The following ZHX3 variants were observed in gnomAD, a reference collection of about 807,000 sequenced individuals.
The protein encoded by ZHX3 is zinc fingers and homeoboxes protein 3.
ZHX3 carries 20 observed loss-of-function variants against 64.5 expected under a neutral mutation model. That is an observed-to-expected ratio of 0.31 (90% CI 0.22 to 0.45). The LOEUF is 0.45. ZHX3 is among the 20% of genes least tolerant of loss of function. The pLI, the probability that ZHX3 is intolerant of heterozygous loss-of-function variation, is 1.00. For missense variants in ZHX3, 1,041 were observed against 1,195.8 expected (o/e 0.87, Z 1.91); for synonymous variants, 423 against 461.6 (o/e 0.92, Z 1.07).
chr20:41,287,776 T>G (rs148693778), intron 1 of ZHX3, among the ~76,000 whole-genome samples: 38 of 152,326 alleles, frequency 2.5e-4, no homozygotes, highest in African/African-American at 7.7e-4. Context: ...TGCAATCTCA[T>G]GAGAGACTGT....
chr20:41,193,459 T>C (rs976954004), intron 3 of ZHX3, among the ~76,000 whole-genome samples: 1 of 152,186 alleles, frequency 6.6e-6, no homozygotes. Flanking sequence ...AGATTGTTCA[T>C]TGCAAGTGTA....
intron 2 of ZHX3, among the ~76,000 whole-genome samples, chr20:41,264,628 A>G (rs2042745699): frequency 6.6e-6 from 1 of 152,050 alleles, no homozygotes; most frequent in East Asian, 1.9e-4. Flanking sequence ...GTCTCCAGGA[A>G]CAAATGATTC....
rs2038316391 is a variant in ZHX3, at chr20:41,202,515, G to A, written c.2402C>T (p.Thr801Met). ...NQDYDSIMAQTGLPRPEVVRW... is the reference protein window; with the variant it reads ...NQDYDSIMAQMGLPRPEVVRW... ...CACCACCTCTGGCCGTGGCAGACCC[G>A]TCTGGGCCATGATGGAGTCATAGTC... The change falls in exon 3 of 4, where the codon ACG becomes ATG. Residue 801 changes from threonine to methionine, a missense_variant. Thr to Met is a moderately conservative substitution (Grantham distance 81, BLOSUM62 -1). Transcript: ENST00000683867. This position sits in a 1 kb window ranked among gnomAD's most constrained non-coding sequence, Gnocchi z 7.0. The A allele has an allele frequency of 4.3e-6, 7 of 1,614,022 alleles. No homozygotes were observed. Among genetic ancestry groups the A allele is most frequent in the Non-Finnish European group, 5.1e-6 (6 of 1,180,044 alleles).
chr20:41,271,136 T>C (rs1320975063), intron 1 of ZHX3, among the ~76,000 whole-genome samples: 1 of 152,208 alleles, frequency 6.6e-6, no homozygotes. Flanking sequence ...TTCTCCTGCC[T>C]CAGCCTCCTG....
At chr20:41,304,932 A>G (rs2044930616) in intron 1 of ZHX3, among the ~76,000 whole-genome samples, 1 of 152,288 alleles carries the variant, frequency 6.6e-6, no homozygotes, top group Non-Finnish European at 1.5e-5. Context: ...TTGACCAAGG[A>G]CTATGTTACA....
chr20:41,217,570 C>T lies in ZHX3; in HGVS notation c.-150-12504G>A, dbSNP rs564111531. 4.6e-5 allele frequency among the ~76,000 whole-genome samples: 7 copies of T among 152,308 alleles called. No individual in the cohort carries two copies. In the East Asian group the frequency reaches 1.3e-3, roughly 29 times the overall value. On this transcript the variant is annotated intron_variant, in intron 2 of 3. Coordinates refer to ENST00000683867, the MANE Select transcript of ZHX3 (RefSeq NM_001384317.1). The stretch of plus-strand genomic sequence containing the variant: ...TGGAAACAAAAATCAGATGCAGCCA[C>T]CCACCCTACTGCTGCCCAAGCCAAT...
intron 2 of ZHX3, among the ~76,000 whole-genome samples, chr20:41,205,746 T>C (rs796639392): frequency 6.6e-5 from 10 of 152,316 alleles, no homozygotes; most frequent in African/African-American, 2.4e-4. Context: ...GGTCAGGGAA[T>C]CCACAGAACC....
Position 41,273,312 on chromosome 20 carries a change from C to T in ZHX3, c.-244-4229G>A, listed in dbSNP as rs532472596. Reference sequence around the variant, plus strand: ...TTTGCAGATATCTCCTCCCATTCTGCAGGTTGCCTTTCCACTTACTTGATA... The same window carrying T: ...TTTGCAGATATCTCCTCCCATTCTGTAGGTTGCCTTTCCACTTACTTGATA... On this transcript the variant is annotated intron_variant, in intron 1 of 3. Transcript: ENST00000683867. Among the ~76,000 whole-genome samples, 6 of 152,212 alleles carry T rather than the reference C, an allele frequency of 3.9e-5. No individual in the cohort carries two copies. The East Asian group carries it at 1.2e-3, about 29-fold the overall frequency.
chr20:41,276,635 G>A (rs955789554), intron 1 of ZHX3, among the ~76,000 whole-genome samples: 4 of 152,148 alleles, frequency 2.6e-5, no homozygotes, highest in African/African-American at 4.8e-5. Context: ...CTCTTGAGGC[G>A]TCCGCCTGGG....
chr20:41,304,207 G>C (rs747391008), intron 1 of ZHX3, among the ~76,000 whole-genome samples: 1 of 152,006 alleles, frequency 6.6e-6, no homozygotes, highest in Non-Finnish European at 1.5e-5. Context: ...ATTTCCTGGG[G>C]TTCCATCTTT....
At chr20:41,267,123 A>C (rs971953370) in intron 2 of ZHX3, among the ~76,000 whole-genome samples, 4 of 152,184 alleles carry the variant, frequency 2.6e-5, no homozygotes, top group African/African-American at 9.7e-5. Flanking sequence ...CTGGGATTAC[A>C]GGCGTGAGCC....
chr20:41,280,195 A>G (rs1447775576), intron 1 of ZHX3, among the ~76,000 whole-genome samples: 1 of 152,202 alleles, frequency 6.6e-6, no homozygotes, highest in African/African-American at 2.4e-5. Context: ...CTGGAAGAAT[A>G]ATTCCCACTT....
intron 1 of ZHX3, among the ~76,000 whole-genome samples, chr20:41,282,890 C>T (rs529982409): frequency 2.0e-5 from 3 of 152,242 alleles, no homozygotes; most frequent in Admixed American, 6.5e-5. Flanking sequence ...AAGGCTTTCA[C>T]AACTCTTTAT....
chr20:41,256,236 C>T (rs2042245481), intron 2 of ZHX3, among the ~76,000 whole-genome samples: 1 of 152,052 alleles, frequency 6.6e-6, no homozygotes, highest in Non-Finnish European at 1.5e-5. Flanking sequence ...TCTGTGAGCT[C>T]CATGAGGACA....
chr20:41,304,606 T>C (rs1423071716), intron 1 of ZHX3, among the ~76,000 whole-genome samples: 3 of 152,222 alleles, frequency 2.0e-5, no homozygotes, highest in African/African-American at 7.2e-5. Flanking sequence ...TCTGTATGAA[T>C]ACACAGTCAT....
At chr20:41,312,004 G>A (rs2045151291) in intron 1 of ZHX3, among the ~76,000 whole-genome samples, 2 of 152,180 alleles carry the variant, frequency 1.3e-5, no homozygotes, top group South Asian at 2.1e-4. Flanking sequence ...TCTATTGGGG[G>A]AGTAGACAAT....
intron 1 of ZHX3, among the ~76,000 whole-genome samples, chr20:41,282,405 C>T (rs1428079548): frequency 8.4e-6 from 1 of 119,666 alleles, no homozygotes; most frequent in Non-Finnish European, 1.6e-5. Context: ...TGTCACCAGG[C>T]TGGAGAACAG....
intron 1 of ZHX3, chr20:41,290,342 C>T (rs1167561176): frequency 6.6e-6 from 1 of 152,218 alleles, no homozygotes; most frequent in East Asian, 1.9e-4. Context: ...GGCACAATCC[C>T]ACTACTGATC....
At chr20:41,220,934 C>T (rs529585293) in intron 2 of ZHX3, among the ~76,000 whole-genome samples, 1 of 152,206 alleles carries the variant, frequency 6.6e-6, no homozygotes, top group South Asian at 2.1e-4. Context: ...AGTGACCCAC[C>T]CGCCTTAGCC....
Sources: gnomAD v4.1 joint callset for allele counts (sites outside exome capture counted in the v4.1 genomes callset) on GRCh38, gnomAD v4.1.1 for gene constraint, Gnocchi (gnomAD v3.1) non-coding constraint, MANE v1.5 for transcripts, NCBI Gene and HGNC (gene_info 2026-07-23, HGNC 2026-07-21) for gene names.